PRDM2: variants seen among roughly 807,000 people sequenced by gnomAD.
PRDM2 encodes PR domain zinc finger protein 2.
PRDM2 carries 30 observed loss-of-function variants against 130.0 expected under a neutral mutation model. That is an observed-to-expected ratio of 0.23 (90% CI 0.17 to 0.31). PRDM2 has a LOEUF of 0.31. Ranked by LOEUF, PRDM2 falls within the 10% of genes least tolerant of loss-of-function variation. PRDM2 has a pLI of 1.00. For synonymous variants in PRDM2, 871 were observed against 782.4 expected, an observed-to-expected ratio of 1.11 and a Z score of -1.89; for missense variants, 2,011 against 2,108.4, an observed-to-expected ratio of 0.95 and a Z score of 0.90.
At position 13,732,879 on chromosome 1, in the gene PRDM2, G is replaced by C; in HGVS notation, c.228G>C (p.Trp76Cys). 1 of 1,547,160 alleles carries C rather than the reference G, an allele frequency of 6.5e-7. No homozygotes were observed. Among genetic ancestry groups the C allele is most frequent in the Non-Finnish European group, 8.8e-7 (1 of 1,132,008 alleles). The change falls in exon 4 of 10, where the codon TGG becomes TGC. Residue 76 changes from tryptophan (W) to cysteine (C), a missense_variant. Physicochemically the swap from Trp to Cys is radical, Grantham distance 215. Coordinates refer to ENST00000311066, the MANE Select transcript of PRDM2 (RefSeq NM_001393986.1). ...RSQVKNNVYM[W>C]EVYYPNLGWM... ...AGGTTAAGAATAATGTATACATGTG[G>C]GAGGTAAGAAGTAATTCTGATTCTT...
At chr1:13,745,569 C>G (rs905458153) in intron 5 of PRDM2, among the ~76,000 whole-genome samples, 1 of 151,750 alleles carries the variant, frequency 6.6e-6, no homozygotes, top group Admixed American at 6.6e-5. Flanking sequence ...GGACTATGGG[C>G]GCATGCCACC....
At chr1:13,755,503 G>T (rs934527294) in intron 6 of PRDM2, among the ~76,000 whole-genome samples, 1 of 152,034 alleles carries the variant, frequency 6.6e-6, no homozygotes, top group Non-Finnish European at 1.5e-5. Context: ...ATATAAAAGA[G>T]GTAACAAGAT....
rs1644543108 is a variant in PRDM2 at position 13,778,957 on chromosome 1, C to G, written c.1162C>G (p.His388Asp). Residue 388 changes from histidine (H) to aspartate (D), a missense_variant, in exon 8 of 10, where the codon CAT becomes GAT. This residue lies in a region of PRDM2 where 1,288 missense variants were observed against 1,237.7 expected (regional missense o/e 1.04). Coordinates refer to ENST00000311066, the MANE Select transcript of PRDM2 (RefSeq NM_001393986.1). ...GCATATCCATATATCCACCGTCAAT[C>G]ATGCTTTCAAATGCAAGTACTGTGG... ...HMHIHISTVN[H>D]AFKCKYCGKA... is the part of the protein sequence containing the mutation. 4 of 1,614,220 alleles carry G rather than the reference C, an allele frequency of 2.5e-6. No individual in the cohort carries two copies. Among genetic ancestry groups the G allele is most frequent in the Non-Finnish European group, 3.4e-6 (4 of 1,180,036 alleles).
intron 1 of PRDM2, among the ~76,000 whole-genome samples, chr1:13,710,415 A>G (rs1442404850): frequency 6.6e-6 from 1 of 152,260 alleles, no homozygotes; most frequent in Non-Finnish European, 1.5e-5. Flanking sequence ...GATACTGATC[A>G]TTAATCATCA....
chr1:13,757,196 T>G (rs567540820), intron 6 of PRDM2, among the ~76,000 whole-genome samples: 2 of 152,230 alleles, frequency 1.3e-5, no homozygotes, highest in Non-Finnish European at 2.9e-5. Context: ...ATGGATTGCA[T>G]AGGTATATTG....
chr1:13,716,547 T>C (rs1442350581), intron 2 of PRDM2, among the ~76,000 whole-genome samples: 1 of 150,562 alleles, frequency 6.6e-6, no homozygotes, highest in Non-Finnish European at 1.5e-5. Flanking sequence ...GAAAAACCTG[T>C]TCTCAGAATA....
chr1:13,816,703 G>A (rs1470517804), intron 9 of PRDM2, 133 bp downstream of exon 9: 52 of 1,243,102 alleles, frequency 4.2e-5, no homozygotes, highest in Non-Finnish European at 5.7e-5. Context: ...CACGGTGCAG[G>A]GCCTCCCTCC....
rs989123295 is a variant in PRDM2, at chr1:13,742,530, A to G, written c.384+373A>G. Among the ~76,000 whole-genome samples the G allele has an allele frequency of 1.5e-4, 23 of 152,214 alleles. 1 individual carries two copies. The highest frequency in any genetic ancestry group is 1.4e-3 in the Admixed American group (21 of 15,290). ...CTTATATTTTTCTAATGCTGTCCTT[A>G]GTTGTGACTGACAATGACTTTGCAG... On this transcript the variant is annotated intron_variant, in intron 5 of 9. Transcript: ENST00000311066.
chr1:13,740,392 C>T (rs925310124), intron 4 of PRDM2, among the ~76,000 whole-genome samples: 3 of 152,072 alleles, frequency 2.0e-5, no homozygotes, highest in Admixed American at 6.5e-5. Flanking sequence ...ACTTATTATC[C>T]CTGAGCCCAG....
At chr1:13,793,632 A>G (rs1309199002) in intron 8 of PRDM2, among the ~76,000 whole-genome samples, 1 of 152,232 alleles carries the variant, frequency 6.6e-6, no homozygotes, top group East Asian at 1.9e-4. Context: ...CAGAATTTTT[A>G]AAACACTCCT....
chr1:13,821,575 C>T (rs1295654997), intron 9 of PRDM2, among the ~76,000 whole-genome samples: 1 of 151,902 alleles, frequency 6.6e-6, no homozygotes, highest in Non-Finnish European at 1.5e-5. Context: ...GGATTCTCCT[C>T]CTTAGCCTCC....
intron 8 of PRDM2, chr1:13,787,334 C>T: frequency 3.4e-5 from 33 of 984,872 alleles, no homozygotes; most frequent in South Asian, 4.7e-5. Flanking sequence ...TTTACACTTG[C>T]ATCTCTAATA....
intron 8 of PRDM2, among the ~76,000 whole-genome samples, chr1:13,784,457 C>T (rs1394462575): frequency 6.6e-6 from 1 of 152,192 alleles, no homozygotes; most frequent in Non-Finnish European, 1.5e-5. Flanking sequence ...TCAGTATTAT[C>T]TAAAAGAAAT....
intron 2 of PRDM2, among the ~76,000 whole-genome samples, chr1:13,721,247 G>A (rs2100435456): frequency 6.6e-6 from 1 of 152,252 alleles, no homozygotes; most frequent in Non-Finnish European, 1.5e-5. Flanking sequence ...ATGTAGATAT[G>A]TCTATTCATA....
chr1:13,775,634 T>C (rs1644459288), intron 7 of PRDM2, among the ~76,000 whole-genome samples: 1 of 152,180 alleles, frequency 6.6e-6, no homozygotes, highest in South Asian at 2.1e-4. Context: ...GCAAGGAGGC[T>C]AGGACTGAAT....
At chr1:13,786,833 C>T (rs1276053573) in intron 8 of PRDM2, 2 of 1,154,036 alleles carry the variant, frequency 1.7e-6, no homozygotes, top group Non-Finnish European at 2.1e-6. Flanking sequence ...TGAGCATGGC[C>T]CTTGTTTTTG....
chr1:13,782,854 G>T, intron 8 of PRDM2, 23 bp downstream of exon 8: 1 of 1,607,030 alleles, frequency 6.2e-7, no homozygotes. Context: ...GCTGGTGGGA[G>T]GGAAAGACCG....
At chr1:13,749,113 A>C (rs1480638552) in intron 5 of PRDM2, among the ~76,000 whole-genome samples, 1 of 151,920 alleles carries the variant, frequency 6.6e-6, no homozygotes, top group Admixed American at 6.6e-5. Flanking sequence ...GGGCTCCGCT[A>C]CCCGTCACCG....
intron 6 of PRDM2, among the ~76,000 whole-genome samples, chr1:13,758,208 C>G (rs926191185): frequency 6.6e-6 from 1 of 151,984 alleles, no homozygotes; most frequent in Non-Finnish European, 1.5e-5. Flanking sequence ...CTTTGAGAGG[C>G]AGAGGTGGGT....
Sources: gnomAD v4.1 joint callset for allele counts (sites outside exome capture counted in the v4.1 genomes callset) on GRCh38, gnomAD v4.1.1 for gene constraint, gnomAD v4.1.1 regional missense constraint, MANE v1.5 for transcripts, NCBI Gene and HGNC (gene_info 2026-07-23, HGNC 2026-07-21) for gene names.